Variants in PCDHGA3 observed in about 807,000 individuals in gnomAD.
PCDHGA3 encodes the protein protocadherin gamma subfamily A, 3.
A neutral mutation model predicts 58.5 loss-of-function variants in PCDHGA3; 40 were observed. The observed-to-expected ratio is 0.68, with a 90% CI of 0.53 to 0.89. The LOEUF (loss-of-function observed/expected upper bound fraction) is 0.89. Among genes scored for constraint, PCDHGA3 ranks in the 40% least tolerant of loss-of-function variants. The pLI is 0.00. For synonymous variants in PCDHGA3, 530 were observed against 525.7 expected, an observed-to-expected ratio of 1.01 and a Z score of -0.11; for missense variants, 1,223 against 1,195.9, an observed-to-expected ratio of 1.02 and a Z score of -0.33.
intron 1 of PCDHGA3, among the ~76,000 whole-genome samples, chr5:141,452,388 A>G (rs892688242): frequency 3.9e-5 from 6 of 152,210 alleles, no homozygotes; most frequent in Non-Finnish European, 5.9e-5. Flanking sequence ...TAGTATTTAG[A>G]AACTAAGATC....
At chr5:141,367,133 A>G (rs1764963646) in intron 1 of PCDHGA3, 1 of 207,884 alleles carries the variant, frequency 4.8e-6, no homozygotes, top group Non-Finnish European at 9.7e-6. Context: ...GTGTTTTGGA[A>G]AGGATAATGT....
intron 1 of PCDHGA3, among the ~76,000 whole-genome samples, chr5:141,488,133 G>T (rs1046071550): frequency 6.6e-6 from 1 of 152,198 alleles, no homozygotes; most frequent in Non-Finnish European, 1.5e-5. Context: ...AGAAAGAGGA[G>T]AGAACTAAAG....
chr5:141,383,584 C>T, intron 1 of PCDHGA3: 2 of 1,613,678 alleles, frequency 1.2e-6, no homozygotes, highest in Non-Finnish European at 1.7e-6. Flanking sequence ...CGCCCACATC[C>T]AGGTGACAGT....
At chr5:141,378,732 A>G (rs1311282729) in intron 1 of PCDHGA3, 1 of 152,232 alleles carries the variant, frequency 6.6e-6, no homozygotes, top group Admixed American at 6.5e-5. Context: ...CTCTTTATTG[A>G]AATATTTCAA....
At chr5:141,348,569 C>T (rs773366121) in intron 1 of PCDHGA3, among the ~76,000 whole-genome samples, 1 of 152,162 alleles carries the variant, frequency 6.6e-6, no homozygotes, top group Non-Finnish European at 1.5e-5. Context: ...ACATAGCCTA[C>T]ATATGTGTCA....
chr5:141,399,330 A>T, intron 1 of PCDHGA3: 1 of 1,613,994 alleles, frequency 6.2e-7, no homozygotes, highest in Non-Finnish European at 8.5e-7. Flanking sequence ...ATAAGTTGGT[A>T]ACAGATGGAA....
At chr5:141,464,862 C>T (rs1166573359) in intron 1 of PCDHGA3, among the ~76,000 whole-genome samples, 1 of 152,076 alleles carries the variant, frequency 6.6e-6, no homozygotes, top group African/African-American at 2.4e-5. Context: ...CCTTAGCCTC[C>T]CAAGTAGCTA....
chr5:141,410,847 G>GTATTTTTTT, intron 1 of PCDHGA3: 1 of 158,252 alleles, frequency 6.3e-6, no homozygotes, highest in African/African-American at 8.4e-5. Context: ...TTTTGTCTTT[G>GTATTTTTTT]TCTTTTTTTT....
chr5:141,405,108 G>A, intron 1 of PCDHGA3: 1 of 1,613,960 alleles, frequency 6.2e-7, no homozygotes, highest in Non-Finnish European at 8.5e-7. Flanking sequence ...CTGAGGCACT[G>A]GCACTCCTCG....
chr5:141,421,359 C>A (rs2096566292), intron 1 of PCDHGA3: 6 of 1,614,012 alleles, frequency 3.7e-6, no homozygotes, highest in Non-Finnish European at 5.1e-6. Context: ...AAAAGGGCTC[C>A]TTCGTGGGCA....
chr5:141,483,456 G>T (rs2099581503), intron 1 of PCDHGA3, among the ~76,000 whole-genome samples: 1 of 152,180 alleles, frequency 6.6e-6, no homozygotes, highest in Admixed American at 6.5e-5. Context: ...ATCAGGACTT[G>T]TTGATTGACA....
intron 1 of PCDHGA3, chr5:141,428,129 C>T (rs1449809875): frequency 1.2e-6 from 2 of 1,603,336 alleles, no homozygotes; most frequent in Non-Finnish European, 1.7e-6. Context: ...CCGGGCTTTT[C>T]AGCCTGGGGC....
At chr5:141,457,422 T>TC (rs1038085994) in intron 1 of PCDHGA3, among the ~76,000 whole-genome samples, 6 of 151,626 alleles carry the variant, frequency 4.0e-5, no homozygotes, top group African/African-American at 7.3e-5. Flanking sequence ...CATCCCTTTT[T>TC]CCCCCCCACC....
At chr5:141,446,502 A>G (rs1178198384) in intron 1 of PCDHGA3, among the ~76,000 whole-genome samples, 5 of 150,732 alleles carry the variant, frequency 3.3e-5, no homozygotes, top group Non-Finnish European at 7.4e-5. Context: ...TTTGAGATGG[A>G]GTCTCGCTCT....
At chr5:141,363,513 T>C (rs995820646) in intron 1 of PCDHGA3, among the ~76,000 whole-genome samples, 1 of 152,210 alleles carries the variant, frequency 6.6e-6, no homozygotes, top group Non-Finnish European at 1.5e-5. Context: ...TCCTCCACAG[T>C]TACTATACTG....
At chr5:141,361,542 C>G in intron 1 of PCDHGA3, 1 of 1,614,054 alleles carries the variant, frequency 6.2e-7, no homozygotes, top group Non-Finnish European at 8.5e-7. Flanking sequence ...CTCCTGGCGC[C>G]TCTATCGCTC....
intron 1 of PCDHGA3, chr5:141,422,081 T>C: frequency 2.5e-6 from 4 of 1,612,346 alleles, no homozygotes; most frequent in Non-Finnish European, 3.4e-6. Context: ...TTTCGGAACA[T>C]GGAAAGCAAG....
chr5:141,348,487 GA>G (rs972122606), intron 1 of PCDHGA3, among the ~76,000 whole-genome samples: 9 of 151,958 alleles, frequency 5.9e-5, no homozygotes, highest in Admixed American at 2.0e-4. Context: ...CCTGTAAGGA[GA>G]AAAAAAATTA....
intron 1 of PCDHGA3, among the ~76,000 whole-genome samples, chr5:141,458,883 C>A (rs1171747288): frequency 6.6e-6 from 1 of 152,136 alleles, no homozygotes; most frequent in East Asian, 1.9e-4. Flanking sequence ...CAGGCATGCA[C>A]ACCATGCGCA....
Sources: allele counts gnomAD v4.1 joint callset (sites outside exome capture counted in the v4.1 genomes callset), GRCh38; gene constraint gnomAD v4.1.1; transcripts MANE v1.5; gene names NCBI Gene and HGNC (gene_info 2026-07-23, HGNC 2026-07-21).